Variants in LYPLAL1 observed in about 807,000 individuals in gnomAD.
LYPLAL1 encodes the protein lysophospholipase like 1.
A neutral mutation model predicts 19.7 loss-of-function variants in LYPLAL1; 23 were observed. The ratio of observed to expected loss-of-function variants is 1.17; its 90% CI spans 0.84 to 1.65. The LOEUF (loss-of-function observed/expected upper bound fraction) is 1.65, where lower values mean the gene tolerates loss of function less well. LYPLAL1 is among the 40% of genes most tolerant of loss of function. The pLI, the probability that LYPLAL1 is intolerant of heterozygous loss-of-function variation, is 0.00. For synonymous variants in LYPLAL1, 119 were observed against 96.3 expected (o/e 1.24, Z -1.38); for missense variants, 355 against 279.4 (o/e 1.27, Z -1.93).
At chr1:219,417,156 G>A in the LYPLAL1 span, among the ~76,000 whole-genome samples, 106 of 152,228 alleles carry the variant, frequency 7.0e-4, no homozygotes, top group African/African-American at 2.5e-3. Flanking sequence ...AAGGAGTGAA[G>A]TTATTCTCTA....
chr1:219,279,604 A>T, the LYPLAL1 span, among the ~76,000 whole-genome samples: 4 of 152,238 alleles, frequency 2.6e-5, no homozygotes, highest in Non-Finnish European at 4.4e-5. Flanking sequence ...TGGAAGACCC[A>T]TAAAACTGAA....
At chr1:219,312,333 C>G in the LYPLAL1 span, among the ~76,000 whole-genome samples, 1 of 152,062 alleles carries the variant, frequency 6.6e-6, no homozygotes. Flanking sequence ...TATTCCTTTC[C>G]CTGTTTCTTT....
At chr1:219,228,463 C>T in the LYPLAL1 span, among the ~76,000 whole-genome samples, 1 of 149,992 alleles carries the variant, frequency 6.7e-6, no homozygotes, top group Non-Finnish European at 1.5e-5. Context: ...ATATAGAAAA[C>T]GTTCCCCTTA....
the LYPLAL1 span, among the ~76,000 whole-genome samples, chr1:219,368,118 T>G: frequency 6.6e-6 from 1 of 152,182 alleles, no homozygotes; most frequent in Non-Finnish European, 1.5e-5. Context: ...CATTTGTCTT[T>G]GACAAGGAAG....
At chr1:219,393,171 T>C in the LYPLAL1 span, among the ~76,000 whole-genome samples, 4,991 of 152,252 alleles carry the variant, frequency 0.033, 273 homozygotes, top group African/African-American at 0.11. Flanking sequence ...GTCTTTGGTT[T>C]TGAGCCTCTG....
the LYPLAL1 span, among the ~76,000 whole-genome samples, chr1:219,374,136 AT>A: frequency 4.1e-3 from 555 of 136,210 alleles, no homozygotes; most frequent in Admixed American, 4.7e-3. Flanking sequence ...TTTTGTGTGG[AT>A]TTTTTTTTTT....
chr1:219,313,928 T>A, the LYPLAL1 span, among the ~76,000 whole-genome samples: 1 of 152,228 alleles, frequency 6.6e-6, no homozygotes, highest in African/African-American at 2.4e-5. Flanking sequence ...GTTACCCAAA[T>A]AATAAGCATA....
chr1:219,175,019 G>A (rs923645303), intron 1 of LYPLAL1: 2 of 985,308 alleles, frequency 2.0e-6, no homozygotes, highest in African/African-American at 1.7e-5. Flanking sequence ...GAGCCGAGAC[G>A]GGTAGGCTTA....
At position 219,173,916 on chromosome 1, in the gene LYPLAL1, T is replaced by C; in HGVS notation, c.26T>C (p.Leu9Pro). Reference protein sequence around the residue: MAAASGSVLQRCIVSPAGR... With the variant: MAAASGSVPQRCIVSPAGR... ...ATGGCGGCTGCGTCGGGGTCGGTTCTGCAGCGCTGTATCGTGTCGCCGGCA... is the reference window on the plus strand; with the variant it reads ...ATGGCGGCTGCGTCGGGGTCGGTTCCGCAGCGCTGTATCGTGTCGCCGGCA... Residue 9 changes from leucine to proline, a missense_variant, in exon 1 of 5, where the codon CTG (leucine) becomes CCG (proline). Leu to Pro is a moderately conservative substitution (Grantham distance 98, BLOSUM62 -3). Coordinates refer to ENST00000366928, the MANE Select transcript of LYPLAL1 (RefSeq NM_138794.5). 1 of 1,613,638 alleles carries C rather than the reference T, an allele frequency of 6.2e-7. No homozygotes were observed. Among genetic ancestry groups the C allele is most frequent in the Non-Finnish European group, 8.5e-7 (1 of 1,179,930 alleles).
the LYPLAL1 span, among the ~76,000 whole-genome samples, chr1:219,412,137 C>T: frequency 6.6e-6 from 1 of 152,174 alleles, no homozygotes; most frequent in Non-Finnish European, 1.5e-5. Flanking sequence ...CAGCCTCAAA[C>T]TCCTGGGCTC....
At chr1:219,333,380 T>C in the LYPLAL1 span, among the ~76,000 whole-genome samples, 1 of 152,026 alleles carries the variant, frequency 6.6e-6, no homozygotes, top group African/African-American at 2.4e-5. Flanking sequence ...TAAATAGTAC[T>C]CTCAGGAGTT....
the LYPLAL1 span, among the ~76,000 whole-genome samples, chr1:219,375,898 C>T: frequency 3.9e-5 from 6 of 152,038 alleles, no homozygotes; most frequent in Non-Finnish European, 5.9e-5. Context: ...CCCGCCACCA[C>T]GCCCAGCTAA....
the LYPLAL1 span, among the ~76,000 whole-genome samples, chr1:219,249,190 C>T: frequency 6.6e-6 from 1 of 151,988 alleles, no homozygotes; most frequent in Non-Finnish European, 1.5e-5. Flanking sequence ...CCTTTTCCCT[C>T]CACTATCACA....
the LYPLAL1 span, among the ~76,000 whole-genome samples, chr1:219,231,850 T>A: frequency 2.0e-5 from 3 of 152,350 alleles, no homozygotes; most frequent in South Asian, 6.2e-4. Flanking sequence ...GTAAAGGCTA[T>A]GTCAAATAAC....
At chr1:219,440,809 G>C in the LYPLAL1 span, among the ~76,000 whole-genome samples, 1 of 152,110 alleles carries the variant, frequency 6.6e-6, no homozygotes, top group East Asian at 1.9e-4. Context: ...GAGTATGATA[G>C]AATTATAATA....
At chr1:219,328,702 C>CTGT in the LYPLAL1 span, among the ~76,000 whole-genome samples, 1 of 152,078 alleles carries the variant, frequency 6.6e-6, no homozygotes, top group South Asian at 2.1e-4. Flanking sequence ...AAATTATATA[C>CTGT]AGTATCTATA....
the LYPLAL1 span, among the ~76,000 whole-genome samples, chr1:219,314,318 A>T: frequency 6.6e-6 from 1 of 152,218 alleles, no homozygotes; most frequent in Non-Finnish European, 1.5e-5. Flanking sequence ...AGAACAATTT[A>T]TATTCCTTTG....
chr1:219,234,719 T>G, the LYPLAL1 span, among the ~76,000 whole-genome samples: 2 of 152,294 alleles, frequency 1.3e-5, no homozygotes, highest in South Asian at 4.1e-4. Context: ...TTTTAAGTTT[T>G]GAAATATCTT....
chr1:219,250,768 C>T, the LYPLAL1 span, among the ~76,000 whole-genome samples: 1 of 151,916 alleles, frequency 6.6e-6, no homozygotes, highest in Non-Finnish European at 1.5e-5. Flanking sequence ...TGAACATTCA[C>T]ATGCATGTGT....
Sources: gnomAD v4.1 joint callset for allele counts (sites outside exome capture counted in the v4.1 genomes callset) on GRCh38, gnomAD v4.1.1 for gene constraint, MANE v1.5 for transcripts, NCBI Gene and HGNC (gene_info 2026-07-23, HGNC 2026-07-21) for gene names.